The following RELN variants were observed in gnomAD, a reference collection of about 807,000 sequenced individuals.
RELN encodes reelin.
RELN carries 108 observed loss-of-function variants against 427.6 expected under a neutral mutation model. The ratio of observed to expected loss-of-function variants is 0.25; its 90% CI spans 0.22 to 0.30. The LOEUF (loss-of-function observed/expected upper bound fraction) is 0.30. Ranked by LOEUF, RELN falls within the 10% of genes least tolerant of loss-of-function variation. The pLI is 1.00. For missense variants in RELN, 3,715 were observed against 4,302.8 expected, an observed-to-expected ratio of 0.86 and a Z score of 3.82; for synonymous variants, 1,524 against 1,513.4, an observed-to-expected ratio of 1.01 and a Z score of -0.16.
At chr7:103,792,939 GA>G (rs1563016668) in intron 3 of RELN, among the ~76,000 whole-genome samples, 1 of 151,986 alleles carries the variant, frequency 6.6e-6, no homozygotes, top group Non-Finnish European at 1.5e-5. Context: ...TATTATAATG[GA>G]AAAAATACAT....
At chr7:103,781,295 C>T (rs566018927) in intron 3 of RELN, among the ~76,000 whole-genome samples, 1 of 152,182 alleles carries the variant, frequency 6.6e-6, no homozygotes, top group East Asian at 1.9e-4. Flanking sequence ...GGTTTACCCA[C>T]AGAATCACAG....
chr7:103,493,040 T>C (rs890766801), intron 57 of RELN, among the ~76,000 whole-genome samples: 26 of 152,298 alleles, frequency 1.7e-4, no homozygotes, highest in Admixed American at 9.2e-4. Context: ...TTGACCTTAA[T>C]TTGGTAAGTG....
At chr7:103,975,712 A>G (rs1796863616) in intron 1 of RELN, among the ~76,000 whole-genome samples, 1 of 122,028 alleles carries the variant, frequency 8.2e-6, no homozygotes, top group Non-Finnish European at 1.7e-5. Context: ...CGCCTGGCTG[A>G]TTTTTTTTTT....
At chr7:103,477,669 T>C (rs1269312373) in intron 64 of RELN, among the ~76,000 whole-genome samples, 2 of 152,236 alleles carry the variant, frequency 1.3e-5, no homozygotes, top group African/African-American at 4.8e-5. Context: ...CTCTGCTAAA[T>C]GGGGATGAGA....
In RELN at chr7:103,620,476, T is replaced by C. The variant is rs769003126; in HGVS notation, c.2703-8673A>G. Among the ~76,000 whole-genome samples, 86 of 12,000 alleles carry C rather than the reference T, an allele frequency of 7.2e-3. No homozygotes were observed. The highest frequency in any genetic ancestry group is 8.8e-3 in the Non-Finnish European group (60 of 6,798). 7.9% of individuals were successfully genotyped at this position (12,000 alleles called of 152,430 possible). ...TTGAAGATAACTCACCCGATCCACA[T>C]TTTTTTTTTTTTTTTGAGATAGAGT... On this transcript the variant is annotated intron_variant, in intron 20 of 64. Coordinates refer to ENST00000428762, the MANE Select transcript of RELN (RefSeq NM_005045.4). The surrounding 1 kb of genome is among the most constrained non-coding windows in gnomAD (Gnocchi z 4.1).
Position 103,472,822 on chromosome 7 carries a change from C to T in RELN, c.10373G>A (p.Arg3458Gln), listed in dbSNP as rs766401565. ...FYNRRRRSLR[R>Q]YP ...AAACTTTTTGATTCTTCATGGGTAT[C>T]GCCTAAGTGACCTTCGTCTTCTGTT... The change falls in exon 65 of 65, where the codon CGA (arginine) becomes CAA (glutamine). Residue 3458 changes from arginine to glutamine, a missense_variant. This residue lies in a region of RELN where 195 missense variants were observed against 281.3 expected (regional missense o/e 0.69). Transcript: ENST00000428762. 2.6e-5 allele frequency: 42 copies of T among 1,612,944 alleles called. No homozygotes were observed. Among genetic ancestry groups the T allele is most frequent in the East Asian group, 2.2e-5 (1 of 44,874 alleles).
Position 103,486,330 on chromosome 7 carries a change from C to A in RELN, c.9850G>T (p.Glu3284Ter), listed in dbSNP as rs1828439575. The change falls in exon 61 of 65, where the codon GAG becomes TAG. Residue 3284 changes from glutamate (E) to a stop codon, truncating the protein, a stop_gained. Transcript: ENST00000428762. LOFTEE classifies it high-confidence loss of function. Reference sequence around the variant, plus strand: ...CCTATGACTCCACCTTGAATGGTCTCCCAGTTTGCCTCGGTGACTCTTGCG... The same window carrying A: ...CCTATGACTCCACCTTGAATGGTCTACCAGTTTGCCTCGGTGACTCTTGCG... ...ESARVTEANW[E>*]TIQGGVIGSG... The A allele has an allele frequency of 1.2e-6, 2 of 1,614,030 alleles. No homozygotes were observed.
rs556506935 is a variant in RELN, at chr7:103,726,810, T to C, written c.753+1301A>G. ...TAATTAATTCTGTCATGGTATATTA[T>C]TTAAAATGTACTAGCAAATCTATTT... On this transcript the variant is annotated intron_variant, in intron 7 of 64. Transcript: ENST00000428762. Among the ~76,000 whole-genome samples, 31 of 152,274 alleles carry C rather than the reference T, an allele frequency of 2.0e-4. No homozygotes were observed. In the East Asian group the frequency reaches 5.0e-3, roughly 25 times the overall value.
chr7:103,807,028 A>C (rs2116328008), intron 3 of RELN, among the ~76,000 whole-genome samples: 1 of 152,302 alleles, frequency 6.6e-6, no homozygotes, highest in African/African-American at 2.4e-5. Flanking sequence ...GAATGTGGTA[A>C]GTGCAATGGC....
rs1172010621 is a variant in RELN at position 103,472,043 on chromosome 7, G to T, written c.*769C>A. The T allele has an allele frequency of 6.6e-6, 1 of 152,484 alleles. No individual in the cohort carries two copies. The highest frequency in any genetic ancestry group is 1.5e-5 in the Non-Finnish European group (1 of 68,018). The allele number at this position is 152,484 out of a possible 1,614,324, so 9.4% of individuals were successfully genotyped here. A position where few individuals can be genotyped will look rare whatever the true frequency, so the allele number is the denominator to read the frequency against. ...AGACAAAAAATGGCAGTTACTGTTAGTAAATCAGCCACAGAACACTTAAAA... is the reference window on the plus strand; with the variant it reads ...AGACAAAAAATGGCAGTTACTGTTATTAAATCAGCCACAGAACACTTAAAA... On this transcript the variant is annotated 3_prime_UTR_variant, in exon 65 of 65. Coordinates refer to ENST00000428762, the MANE Select transcript of RELN (RefSeq NM_005045.4).
chr7:103,924,991 T>TAC (rs57662220), intron 1 of RELN, among the ~76,000 whole-genome samples: 7,364 of 48,574 alleles, frequency 0.15, 277 homozygotes, highest in Non-Finnish European at 0.23. Flanking sequence ...CGCATACACA[T>TAC]ACACACACAC....
At chr7:103,630,910 G>A (rs1240544691) in intron 19 of RELN, among the ~76,000 whole-genome samples, 1 of 134,276 alleles carries the variant, frequency 7.4e-6, no homozygotes, top group Non-Finnish European at 1.5e-5. Context: ...AACTTCCTAA[G>A]CCAGGTGACT....
chr7:103,785,855 G>C (rs1385196661), intron 3 of RELN, among the ~76,000 whole-genome samples: 1 of 151,964 alleles, frequency 6.6e-6, no homozygotes, highest in South Asian at 2.1e-4. Context: ...AGAATTGAAA[G>C]GGAATTAAAG....
At chr7:103,535,620 C>A in intron 45 of RELN, 136 bp from the exon 46 acceptor site, 1 of 749,152 alleles carries the variant, frequency 1.3e-6, no homozygotes, top group Non-Finnish European at 2.2e-6. Context: ...ATATTTCCTG[C>A]TTTGAAATGC....
chr7:103,857,091 C>T (rs1793965243), intron 2 of RELN, among the ~76,000 whole-genome samples: 1 of 152,080 alleles, frequency 6.6e-6, no homozygotes, highest in African/African-American at 2.4e-5. Context: ...CAATTAACTG[C>T]ATTACCCCTC....
chr7:103,510,079 G>A (rs892124495), intron 51 of RELN, among the ~76,000 whole-genome samples: 1 of 152,160 alleles, frequency 6.6e-6, no homozygotes, highest in Non-Finnish European at 1.5e-5. Flanking sequence ...AAGACAGTGT[G>A]GCAATTCCTC....
intron 2 of RELN, among the ~76,000 whole-genome samples, chr7:103,867,359 C>A (rs1380578143): frequency 1.3e-5 from 2 of 149,100 alleles, no homozygotes; most frequent in East Asian, 2.1e-4. Flanking sequence ...AAGATTAGTT[C>A]ATTATATTGC....
At position 103,650,366 on chromosome 7, in the gene RELN, A is replaced by G. The variant is rs755277214; in HGVS notation, c.1910T>C (p.Ile637Thr). The change falls in exon 16 of 65, where the codon ATT becomes ACT. Residue 637 changes from isoleucine to threonine, a missense_variant. Physicochemically the swap from Ile to Thr is moderately conservative, Grantham distance 89. This residue lies in a region of RELN where 2,208 missense variants were observed against 2,361.7 expected (regional missense o/e 0.93). Transcript: ENST00000428762. The stretch of plus-strand genomic sequence containing the variant: ...GGTTAGTGCTGCGTTAGGAAGGGGA[A>G]TTGTTATTCGGTTCCACCTGCAAGA... ...ENYSGWNRIT[I>T]PLPNAALTRN... is the part of the protein sequence containing the mutation. 6.2e-7 allele frequency: 1 copy of G among 1,611,412 alleles called. No individual in the cohort carries two copies. The highest frequency in any genetic ancestry group is 2.2e-5 in the East Asian group (1 of 44,828).
intron 9 of RELN, among the ~76,000 whole-genome samples, chr7:103,699,486 C>T (rs1834046863): frequency 6.6e-6 from 1 of 151,986 alleles, no homozygotes; most frequent in African/African-American, 2.4e-5. Flanking sequence ...TGGTACATGG[C>T]CTAAAACTGA....
Sources: allele counts gnomAD v4.1 joint callset (sites outside exome capture counted in the v4.1 genomes callset), GRCh38; gene constraint gnomAD v4.1.1; regional missense constraint gnomAD v4.1.1; non-coding constraint Gnocchi (gnomAD v3.1); transcripts MANE v1.5; gene names NCBI Gene and HGNC (gene_info 2026-07-23, HGNC 2026-07-21).